Variants in BMPR1B observed in about 807,000 individuals in gnomAD.
BMPR1B encodes bone morphogenetic protein receptor type 1B.
Under a neutral mutation model 59.1 loss-of-function variants are expected in BMPR1B, and 12 were observed. That is an observed-to-expected ratio of 0.20 (90% confidence interval 0.13 to 0.33). The LOEUF (loss-of-function observed/expected upper bound fraction) is 0.33, where lower values mean the gene tolerates loss of function less well. BMPR1B is among the 10% of genes least tolerant of loss of function. The pLI, the probability that BMPR1B is intolerant of heterozygous loss-of-function variation, is 1.00. For synonymous variants in BMPR1B, 237 were observed against 207.3 expected, an observed-to-expected ratio of 1.14 and a Z score of -1.23; for missense variants, 550 against 610.9, an observed-to-expected ratio of 0.90 and a Z score of 1.05.
At chr4:94,809,143 G>T (rs1227114185) in intron 1 of BMPR1B, among the ~76,000 whole-genome samples, 2 of 152,128 alleles carry the variant, frequency 1.3e-5, no homozygotes, top group African/African-American at 4.8e-5. Flanking sequence ...CATGTTTGTG[G>T]TCACTTTTAT....
In BMPR1B at chr4:94,827,942, C is replaced by T. The variant is rs142314065; in HGVS notation, c.-182-47889C>T. Among the ~76,000 whole-genome samples, 702 of 152,256 alleles carry T rather than the reference C, an allele frequency of 4.6e-3. 3 individuals carry two copies. Among genetic ancestry groups the T allele is most frequent in the Middle Eastern group, 0.01 (3 of 294 alleles). On this transcript the variant is annotated intron_variant, in intron 1 of 12. Coordinates refer to ENST00000515059, the MANE Select transcript of BMPR1B (RefSeq NM_001203.3). ...TGGTGACTCACTTGCTTTTCCTTTT[C>T]TCAGTTAACCAACTCATGCTAACAC...
At chr4:95,086,114 T>C (rs1001957987) in intron 3 of BMPR1B, among the ~76,000 whole-genome samples, 1 of 152,182 alleles carries the variant, frequency 6.6e-6, no homozygotes, top group Non-Finnish European at 1.5e-5. Flanking sequence ...TCTGGATCAT[T>C]AATAAACATT....
rs1017924171 is a variant in BMPR1B, at chr4:94,971,521, G to A, written c.-112-24519G>A. Among the ~76,000 whole-genome samples, 4 of 151,978 alleles carry A rather than the reference G, an allele frequency of 2.6e-5. No individual in the cohort carries two copies. The South Asian group carries it at 6.2e-4, about 24-fold the overall frequency. On this transcript the variant is annotated intron_variant, in intron 2 of 12. Coordinates refer to ENST00000515059, the MANE Select transcript of BMPR1B (RefSeq NM_001203.3). ...TAATTCAGAGGTGCCTCAATTGCAG[G>A]CAGTGCTCACTCTCTACTTCTCTTC...
chr4:94,949,164 CTCCCTGTGCCCA>C (rs1179839888), intron 2 of BMPR1B, among the ~76,000 whole-genome samples: 1 of 152,118 alleles, frequency 6.6e-6, no homozygotes, highest in African/African-American at 2.4e-5. Context: ...TGAGGTTCCC[CTCCCTGTGCCCA>C]TATGTTCTCA....
At chr4:95,079,918 A>G (rs1728992353) in intron 3 of BMPR1B, among the ~76,000 whole-genome samples, 1 of 152,144 alleles carries the variant, frequency 6.6e-6, no homozygotes. Context: ...AACTTTCTGT[A>G]TATGCTTGTT....
intron 3 of BMPR1B, among the ~76,000 whole-genome samples, chr4:95,093,437 GTCTGCTGAGGTTTATAATTCTA>G (rs1269019110): frequency 5.4e-4 from 1 of 1,858 alleles, no homozygotes; most frequent in African/African-American, 1.7e-3. Context: ...ATAATTCTAT[GTCTGCTGAGGTTTATAATTCTA>G]TGTCAATTAC....
chr4:94,773,405 C>G (rs1340450504), intron 1 of BMPR1B, among the ~76,000 whole-genome samples: 1 of 151,976 alleles, frequency 6.6e-6, no homozygotes, highest in Admixed American at 6.6e-5. Flanking sequence ...CCTTTCAGCT[C>G]TAAGATTTTA....
At chr4:94,837,286 T>A (rs1359683185) in intron 1 of BMPR1B, among the ~76,000 whole-genome samples, 1 of 149,630 alleles carries the variant, frequency 6.7e-6, no homozygotes, top group Non-Finnish European at 1.5e-5. Context: ...TTTTTTTCCA[T>A]TTCTGTGAAG....
chr4:95,054,924 C>T (rs984636005), intron 3 of BMPR1B, among the ~76,000 whole-genome samples: 3 of 152,102 alleles, frequency 2.0e-5, no homozygotes, highest in Admixed American at 2.0e-4. Flanking sequence ...GTTAAATGTA[C>T]ATGTGAAAAT....
intron 3 of BMPR1B, among the ~76,000 whole-genome samples, chr4:95,036,606 C>T (rs1394630442): frequency 6.6e-6 from 1 of 151,816 alleles, no homozygotes; most frequent in African/African-American, 2.4e-5. Context: ...TTTCTTTATC[C>T]ATTCATTTGT....
chr4:94,885,317 A>G (rs988760899), intron 2 of BMPR1B, among the ~76,000 whole-genome samples: 39 of 152,214 alleles, frequency 2.6e-4, no homozygotes, highest in Admixed American at 2.0e-4. Context: ...ATGACTAAGT[A>G]AAAAGGAGCA....
At chr4:94,820,101 G>A (rs1318062513) in intron 1 of BMPR1B, among the ~76,000 whole-genome samples, 2 of 152,300 alleles carry the variant, frequency 1.3e-5, no homozygotes, top group East Asian at 1.9e-4. Flanking sequence ...GCCTGGGAGT[G>A]CATAAGGTTC....
chr4:94,970,295 TC>T (rs1489439972), intron 2 of BMPR1B, among the ~76,000 whole-genome samples: 14,275 of 111,412 alleles, frequency 0.13, 795 homozygotes, highest in Middle Eastern at 0.16. Flanking sequence ...TCTTCTCTTC[TC>T]TTCTCTTCTT....
intron 1 of BMPR1B, among the ~76,000 whole-genome samples, chr4:94,842,360 G>A (rs6858333): frequency 0.61 from 93,295 of 151,886 alleles, 29,644 homozygotes; most frequent in African/African-American, 0.78. Flanking sequence ...TATGTGATGT[G>A]TAAAATAAGT....
chr4:94,953,698 T>C (rs1730036794), intron 2 of BMPR1B, among the ~76,000 whole-genome samples: 1 of 152,146 alleles, frequency 6.6e-6, no homozygotes, highest in African/African-American at 2.4e-5. Context: ...ATTTTTTCCT[T>C]CATTTCAACT....
chr4:94,799,619 A>G (rs187092267), intron 1 of BMPR1B, among the ~76,000 whole-genome samples: 1 of 149,416 alleles, frequency 6.7e-6, no homozygotes, highest in Non-Finnish European at 1.5e-5. Flanking sequence ...TTTTTAATTC[A>G]TGATTTTTTT....
At chr4:95,084,707 G>A (rs1322548722) in intron 3 of BMPR1B, among the ~76,000 whole-genome samples, 4 of 152,128 alleles carry the variant, frequency 2.6e-5, no homozygotes, top group African/African-American at 7.2e-5. Flanking sequence ...GTTGACACAG[G>A]GACACTTCCC....
At chr4:95,019,025 A>G (rs916587336) in intron 3 of BMPR1B, among the ~76,000 whole-genome samples, 1 of 151,976 alleles carries the variant, frequency 6.6e-6, no homozygotes, top group African/African-American at 2.4e-5. Flanking sequence ...AACTTTCAAC[A>G]GTTTTTTTTT....
At chr4:94,918,929 CT>C (rs1310309722) in intron 2 of BMPR1B, among the ~76,000 whole-genome samples, 1 of 151,858 alleles carries the variant, frequency 6.6e-6, no homozygotes. Context: ...TTATTTTTTG[CT>C]GTTGGGAACC....
Sources: allele counts gnomAD v4.1 joint callset (sites outside exome capture counted in the v4.1 genomes callset), GRCh38; gene constraint gnomAD v4.1.1; transcripts MANE v1.5; gene names NCBI Gene and HGNC (gene_info 2026-07-23, HGNC 2026-07-21).